Variants in CENPU observed in about 807,000 individuals in gnomAD.
The protein encoded by CENPU is centromere protein U, also known as KSHV latent nuclear antigen interacting protein 1.
In CENPU, 46 loss-of-function variants were observed where a neutral mutation model predicts 56.7. The observed-to-expected ratio is 0.81, with a 90% CI of 0.64 to 1.04. CENPU has a LOEUF of 1.04. CENPU is among the 50% of genes least tolerant of loss of function. The pLI is 0.00. For missense variants in CENPU, 510 were observed against 490.1 expected, an observed-to-expected ratio of 1.04 and a Z score of -0.38; for synonymous variants, 166 against 163.0, an observed-to-expected ratio of 1.02 and a Z score of -0.14.
chr4:184,709,453 C>T (rs538541667), intron 8 of CENPU, among the ~76,000 whole-genome samples: 21 of 151,258 alleles, frequency 1.4e-4, no homozygotes, highest in Non-Finnish European at 1.3e-4. Context: ...CTCCACTCTA[C>T]TCCAGCCTGG....
At chr4:184,717,507 G>T (rs1261634361) in intron 4 of CENPU, among the ~76,000 whole-genome samples, 2 of 152,116 alleles carry the variant, frequency 1.3e-5, no homozygotes, top group Non-Finnish European at 2.9e-5. Context: ...TGTACTAAAA[G>T]CTAATCCACT....
intron 1 of CENPU, chr4:184,733,279 AC>A (rs1314528887): frequency 6.1e-5 from 60 of 982,124 alleles, no homozygotes; most frequent in Admixed American, 1.2e-4. Context: ...TTCCACCCTA[AC>A]CCCGCATCTA....
At chr4:184,707,776 C>A (rs1358693799) in intron 8 of CENPU, among the ~76,000 whole-genome samples, 1 of 152,150 alleles carries the variant, frequency 6.6e-6, no homozygotes. Flanking sequence ...GCTGGAGGAA[C>A]CCAACTATTT....
intron 4 of CENPU, among the ~76,000 whole-genome samples, chr4:184,724,127 A>T (rs374984182): frequency 2.0e-5 from 3 of 151,814 alleles, no homozygotes; most frequent in Non-Finnish European, 2.9e-5. Context: ...TCAGCTGGGC[A>T]TGGTGGCGGG....
At chr4:184,730,819 C>A in intron 2 of CENPU, 101 bp downstream of exon 2, 1 of 774,762 alleles carries the variant, frequency 1.3e-6, no homozygotes, top group Non-Finnish European at 2.1e-6. Flanking sequence ...CTACAATAAA[C>A]ATTGAACTTG....
At chr4:184,709,489 A>T (rs1435727495) in intron 8 of CENPU, among the ~76,000 whole-genome samples, 1 of 152,048 alleles carries the variant, frequency 6.6e-6, no homozygotes, top group African/African-American at 2.4e-5. Flanking sequence ...CCATCTCAAA[A>T]AAAAAAAAAA....
At chr4:184,706,897 C>CCTCAAGACTGAAACTGGGGTTGGA (rs1561132083) in intron 8 of CENPU, among the ~76,000 whole-genome samples, 4 of 151,666 alleles carry the variant, frequency 2.6e-5, no homozygotes, top group Admixed American at 1.3e-4. Flanking sequence ...GTCCCTGTGT[C>CCTCAAGACTGAAACTGGGGTTGGA]CTTACTACCC....
At chr4:184,701,761 C>G (rs1260147761) in intron 10 of CENPU, among the ~76,000 whole-genome samples, 1 of 152,158 alleles carries the variant, frequency 6.6e-6, no homozygotes, top group East Asian at 1.9e-4. Context: ...TAATATTTAT[C>G]CATGTAAGTG....
At chr4:184,724,916 C>T in intron 4 of CENPU, 41 bp downstream of exon 4, 1 of 1,292,744 alleles carries the variant, frequency 7.7e-7, no homozygotes, top group African/African-American at 1.5e-5. Context: ...TCAGAAATCC[C>T]ATTAACCATG....
At chr4:184,723,587 T>A (rs1202143929) in intron 4 of CENPU, among the ~76,000 whole-genome samples, 1 of 152,152 alleles carries the variant, frequency 6.6e-6, no homozygotes, top group African/African-American at 2.4e-5. Context: ...CTAACGCCTG[T>A]AATCCTAGCA....
chr4:184,716,460 C>CT lies in CENPU; in HGVS notation c.554dup (p.Thr186AspfsTer5). The stretch of plus-strand genomic sequence containing the variant: ...AGGGCTGGGCACTAAGGGGTCCTGT[C>CT]TTTTTAGAAGTGACAGACTCAGCTG... On this transcript the variant is annotated frameshift_variant, in exon 6 of 13. Coordinates refer to ENST00000281453, the MANE Select transcript of CENPU (RefSeq NM_024629.4). LOFTEE classifies it high-confidence loss of function. 6.2e-7 allele frequency: 1 copy of CT among 1,614,174 alleles called. No homozygotes were observed. The highest frequency in any genetic ancestry group is 8.5e-7 in the Non-Finnish European group (1 of 1,180,046).
intron 3 of CENPU, 75 bp downstream of exon 3, chr4:184,728,842 CT>C: frequency 9.7e-7 from 1 of 1,034,778 alleles, no homozygotes. Context: ...TTTGAAGATA[CT>C]TCTATTTTTT....
intron 2 of CENPU, among the ~76,000 whole-genome samples, chr4:184,729,298 A>G (rs1761557358): frequency 6.6e-6 from 1 of 152,202 alleles, no homozygotes. Context: ...CTTTTTGGGG[A>G]CATAGAATTT....
In CENPU at chr4:184,702,389, T is replaced by C. The variant is rs1458125531; in HGVS notation, c.850A>G (p.Asn284Asp). 6.2e-7 allele frequency: 1 copy of C among 1,612,220 alleles called. No homozygotes were observed. Among genetic ancestry groups the C allele is most frequent in the African/African-American group, 1.3e-5 (1 of 74,792 alleles). Reference sequence around the variant, plus strand: ...ATTTTGATGAATTGTTCTTTAACATTAACATAAAATGTGGCGATGGCTGCC... The same window carrying C: ...ATTTTGATGAATTGTTCTTTAACATCAACATAAAATGTGGCGATGGCTGCC... Reference protein sequence around the residue: ...CKAAIATFYVNVKEQFIKMLK... With the variant: ...CKAAIATFYVDVKEQFIKMLK... Residue 284 changes from asparagine to aspartate, a missense_variant, in exon 9 of 13, where the codon AAT becomes GAT. Coordinates refer to ENST00000281453, the MANE Select transcript of CENPU (RefSeq NM_024629.4).
chr4:184,694,454 G>A lies in CENPU; in HGVS notation c.*834C>T. 2 of 1,549,380 alleles carry A rather than the reference G, an allele frequency of 1.3e-6. No homozygotes were observed. The highest frequency in any genetic ancestry group is 1.7e-6 in the Non-Finnish European group (2 of 1,146,002). On this transcript the variant is annotated 3_prime_UTR_variant, in exon 13 of 13. Transcript: ENST00000281453. ...ACCTTACTTCAACATAGAGTATAAG[G>A]TTAAATCACATATCCTGAGTAAATA...
chr4:184,728,618 G>C (rs1339310848), intron 3 of CENPU, among the ~76,000 whole-genome samples: 1 of 152,232 alleles, frequency 6.6e-6, no homozygotes, highest in Non-Finnish European at 1.5e-5. Context: ...TCAAATGGTA[G>C]AGTGAAGTGA....
chr4:184,710,203 C>T (rs187125100), intron 7 of CENPU, 23 bp from the exon 8 acceptor site: 1 of 1,497,620 alleles, frequency 6.7e-7, no homozygotes, highest in African/African-American at 1.4e-5. Context: ...GATAAGTTAA[C>T]ATGCTGGTTA....
chr4:184,703,086 C>A (rs1760595736), intron 8 of CENPU, among the ~76,000 whole-genome samples: 1 of 152,082 alleles, frequency 6.6e-6, no homozygotes, highest in South Asian at 2.1e-4. Flanking sequence ...GAAAAAAACA[C>A]CGGAAACATG....
rs2150214553 is a variant in CENPU at position 184,712,943 on chromosome 4, C to T, written c.688+1G>A. The T allele has an allele frequency of 6.3e-7, 1 of 1,577,058 alleles. No individual in the cohort carries two copies. Among genetic ancestry groups the T allele is most frequent in the Non-Finnish European group, 8.7e-7 (1 of 1,155,478 alleles). On this transcript the variant is annotated splice_donor_variant, in intron 7 of 12. Transcript: ENST00000281453. LOFTEE classifies it high-confidence loss of function. ...ACAAAGTATAAAACATCATTCTCTA[C>T]CTGAGCCTATGGCTTTACTTCTTGA...
Sources: allele counts gnomAD v4.1 joint callset (sites outside exome capture counted in the v4.1 genomes callset), GRCh38; gene constraint gnomAD v4.1.1; transcripts MANE v1.5; gene names NCBI Gene and HGNC (gene_info 2026-07-23, HGNC 2026-07-21).